Variants in GLT1D1 observed in about 807,000 individuals in gnomAD.
GLT1D1 encodes the protein glycosyltransferase 1 domain containing 1.
Under a neutral mutation model 28.7 loss-of-function variants are expected in GLT1D1, and 21 were observed. The ratio of observed to expected loss-of-function variants is 0.73; its 90% confidence interval spans 0.52 to 1.05. The LOEUF is 1.05. GLT1D1 is among the 50% of genes least tolerant of loss of function. GLT1D1 has a pLI of 0.00. For missense variants in GLT1D1, 343 were observed against 330.6 expected, an observed-to-expected ratio of 1.04 and a Z score of -0.29; for synonymous variants, 147 against 124.8, an observed-to-expected ratio of 1.18 and a Z score of -1.19.
chr12:128,982,420 G>A (rs897490834), intron 7 of GLT1D1, among the ~76,000 whole-genome samples: 4 of 152,192 alleles, frequency 2.6e-5, no homozygotes, highest in Admixed American at 6.5e-5. Context: ...GATACCACCC[G>A]TATTGTGAAG....
intron 4 of GLT1D1, among the ~76,000 whole-genome samples, chr12:128,906,158 T>C (rs949649976): frequency 6.6e-6 from 1 of 152,210 alleles, no homozygotes; most frequent in Non-Finnish European, 1.5e-5. Context: ...TATTATAATA[T>C]TGATTTGACA....
At chr12:128,933,466 T>C (rs934166885) in intron 4 of GLT1D1, among the ~76,000 whole-genome samples, 9 of 152,286 alleles carry the variant, frequency 5.9e-5, no homozygotes, top group African/African-American at 2.2e-4. Flanking sequence ...TATGCTGTTC[T>C]ATTCTACGTC....
intron 4 of GLT1D1, chr12:128,944,662 G>C: frequency 1.4e-6 from 1 of 727,578 alleles, no homozygotes; most frequent in Non-Finnish European, 2.6e-6. Context: ...TTCTGCCTGT[G>C]GAAGTGTCCT....
chr12:128,927,114 A>G (rs763317884), intron 4 of GLT1D1: 1 of 1,535,810 alleles, frequency 6.5e-7, no homozygotes, highest in Non-Finnish European at 8.7e-7. Context: ...GCCTGGCATC[A>G]GGAGGAGCCC....
chr12:128,897,020 T>C (rs1226382142), intron 3 of GLT1D1, among the ~76,000 whole-genome samples: 1 of 152,226 alleles, frequency 6.6e-6, no homozygotes, highest in African/African-American at 2.4e-5. Context: ...TGCATTTTAA[T>C]TCACCAAGTG....
At position 128,853,648 on chromosome 12, in the gene GLT1D1, C is replaced by A; in HGVS notation, c.67C>A (p.Arg23=). 1 of 1,157,710 alleles carries A rather than the reference C, an allele frequency of 8.6e-7. No homozygotes were observed. Among genetic ancestry groups the A allele is most frequent in the Non-Finnish European group, 1.1e-6 (1 of 932,636 alleles). The allele number at this position is 1,157,710 out of a possible 1,614,324, so 71.7% of individuals were successfully genotyped here. ...CAACGCGGTCACGGCCCAGCGCGTT[C>A]GGTAGGTGCAGGGCGCCGGGGCCTA... Residue 23 remains arginine (R), a splice_region_variant and synonymous_variant, in exon 1 of 8, where the codon CGG becomes AGG. Transcript: ENST00000281703.
intron 1 of GLT1D1, among the ~76,000 whole-genome samples, chr12:128,868,995 G>C (rs1279147754): frequency 1.3e-5 from 2 of 152,052 alleles, no homozygotes; most frequent in Non-Finnish European, 2.9e-5. Flanking sequence ...TCAGCCTCCC[G>C]AGTAGCTGGG....
chr12:128,958,868 C>T (rs1197424318), intron 7 of GLT1D1, among the ~76,000 whole-genome samples: 2 of 115,378 alleles, frequency 1.7e-5, no homozygotes, highest in South Asian at 3.1e-4. Flanking sequence ...GACAGGGTCT[C>T]ACTGTGTAGC....
intron 4 of GLT1D1, among the ~76,000 whole-genome samples, chr12:128,931,895 G>A (rs140463882): frequency 7.9e-6 from 1 of 126,496 alleles, no homozygotes; most frequent in East Asian, 2.4e-4. Flanking sequence ...GTTCATGTGA[G>A]GATATGTGCA....
At chr12:128,854,042 G>C (rs1191006612) in intron 1 of GLT1D1, among the ~76,000 whole-genome samples, 2 of 151,516 alleles carry the variant, frequency 1.3e-5, no homozygotes, top group African/African-American at 4.9e-5. Flanking sequence ...GCCGGGGACC[G>C]CGGTGCCAGC....
intron 4 of GLT1D1, chr12:128,944,433 T>C: frequency 7.4e-7 from 1 of 1,345,978 alleles, no homozygotes; most frequent in Non-Finnish European, 1.1e-6. Flanking sequence ...CATAAGCCTT[T>C]AGTCTCTTGA....
intron 4 of GLT1D1, among the ~76,000 whole-genome samples, chr12:128,927,528 G>A (rs547142513): frequency 7.2e-5 from 11 of 151,924 alleles, no homozygotes; most frequent in Middle Eastern, 3.4e-3. Flanking sequence ...GTGAGCCACC[G>A]CGCCCAGCTT....
chr12:128,980,836 G>GA, intron 7 of GLT1D1, among the ~76,000 whole-genome samples: 1 of 152,208 alleles, frequency 6.6e-6, no homozygotes, highest in East Asian at 1.9e-4. Context: ...GCGGGGTGGG[G>GA]AATAGACCAC....
intron 6 of GLT1D1, among the ~76,000 whole-genome samples, chr12:128,952,806 T>C (rs1876862282): frequency 8.7e-6 from 1 of 115,338 alleles, no homozygotes; most frequent in Non-Finnish European, 1.7e-5. Flanking sequence ...TTTGACGTAC[T>C]CTTGCTCTGT....
At position 128,945,193 on chromosome 12, in the gene GLT1D1, G is replaced by A. The variant is rs552564194; in HGVS notation, c.376-133G>A. 8.3e-5 allele frequency: 74 copies of A among 894,340 alleles called. 1 individual carries two copies. Among genetic ancestry groups the A allele is most frequent in the Middle Eastern group, 2.2e-4 (1 of 4,622 alleles). The allele number at this position is 894,340 out of a possible 1,614,324, so 55.4% of individuals were successfully genotyped here. Reference sequence around the variant, plus strand: ...CATGATCACCACACGCAGCAGCCGCGAGGACACCCCCGTGGCCGCAGACCG... The same window carrying A: ...CATGATCACCACACGCAGCAGCCGCAAGGACACCCCCGTGGCCGCAGACCG... On this transcript the variant is annotated intron_variant, in intron 4 of 7. Transcript: ENST00000281703.
intron 4 of GLT1D1, among the ~76,000 whole-genome samples, chr12:128,928,950 C>T (rs1169396350): frequency 3.9e-5 from 6 of 152,114 alleles, no homozygotes; most frequent in African/African-American, 1.4e-4. Context: ...TCCAGGGTTG[C>T]TGCTATGGCC....
In GLT1D1 at chr12:128,959,421, C is replaced by CGTGG. The variant is rs1877680995; in HGVS notation, c.639+1779_639+1780insTGGG. Among the ~76,000 whole-genome samples the CGTGG allele has an allele frequency of 2.0e-4, 2 of 9,942 alleles. 1 individual carries two copies. Among genetic ancestry groups the CGTGG allele is most frequent in the Non-Finnish European group, 3.4e-4 (2 of 5,866 alleles). 6.5% of individuals were successfully genotyped at this position (9,942 alleles called of 152,430 possible). Reference sequence around the variant, plus strand: ...AGCTTCATGAGGCAGTGGGGGGGGACGGGTGGGGAGGTGGCAGCGGGGTGG... The same window carrying CGTGG: ...AGCTTCATGAGGCAGTGGGGGGGGACGTGGGGGTGGGGAGGTGGCAGCGGGGTGG... On this transcript the variant is annotated intron_variant, in intron 7 of 7. Transcript: ENST00000281703.
chr12:128,911,074 C>T (rs537255374), intron 4 of GLT1D1, among the ~76,000 whole-genome samples: 25 of 152,162 alleles, frequency 1.6e-4, no homozygotes, highest in Non-Finnish European at 3.1e-4. Flanking sequence ...GGATTACAGG[C>T]GCATGCCGCC....
At position 128,913,990 on chromosome 12, in the gene GLT1D1, C is replaced by T. The variant is rs116614699; in HGVS notation, c.375+14703C>T. 5.7e-3 allele frequency among the ~76,000 whole-genome samples: 867 copies of T among 152,232 alleles called. 9 individuals carry two copies. The highest frequency in any genetic ancestry group is 0.02 in the African/African-American group (817 of 41,528). On this transcript the variant is annotated intron_variant, in intron 4 of 7. Transcript: ENST00000281703. ...CTTGAAATGGGCGCTTGTTAAATAG[C>T]CGCTGTCAGTATGATTCAGTGTGAA...
Sources: gnomAD v4.1 joint callset for allele counts (sites outside exome capture counted in the v4.1 genomes callset) on GRCh38, gnomAD v4.1.1 for gene constraint, MANE v1.5 for transcripts, NCBI Gene and HGNC (gene_info 2026-07-23, HGNC 2026-07-21) for gene names.